The following ABCB5 variants were observed in gnomAD, a reference collection of about 807,000 sequenced individuals.
The protein encoded by ABCB5 is ATP binding cassette subfamily B member 5.
Under a neutral mutation model 144.2 loss-of-function variants are expected in ABCB5, and 155 were observed. That is an observed-to-expected ratio of 1.08 (90% CI 0.94 to 1.23). ABCB5 has a LOEUF of 1.23. ABCB5 is among the 50% of genes most tolerant of loss of function. The pLI, the probability that ABCB5 is intolerant of heterozygous loss-of-function variation, is 0.00. For synonymous variants in ABCB5, 610 were observed against 528.6 expected (o/e 1.15, Z -2.11); for missense variants, 1,830 against 1,520.8 (o/e 1.20, Z -3.38).
At chr7:20,639,507 G>C (rs894391749) in intron 5 of ABCB5, among the ~76,000 whole-genome samples, 11 of 152,086 alleles carry the variant, frequency 7.2e-5, no homozygotes, top group African/African-American at 2.7e-4. Flanking sequence ...GATCCATTTT[G>C]AGTTAATCTC....
intron 11 of ABCB5, among the ~76,000 whole-genome samples, chr7:20,649,037 A>T (rs1288137374): frequency 6.6e-6 from 1 of 152,222 alleles, no homozygotes; most frequent in Non-Finnish European, 1.5e-5. Context: ...TGGGTTTTAA[A>T]CAACTATTTT....
rs1457517086 is a variant in ABCB5 at position 20,645,880 on chromosome 7, G to A, written c.803G>A (p.Arg268Lys). The A allele has an allele frequency of 1.2e-5, 19 of 1,613,080 alleles. No individual in the cohort carries two copies. The highest frequency in any genetic ancestry group is 1.5e-5 in the Non-Finnish European group (18 of 1,179,618). ...AGGGCCCAGGAGAAAGAACTTCAAA[G>A]GTCTTTCCTTTTAAATATAACAAGA... Reference protein sequence around the residue: ...AFRAQEKELQRYTQNLKDAKD... With the variant: ...AFRAQEKELQKYTQNLKDAKD... The change falls in exon 8 of 28, where the codon AGG becomes AAG. Residue 268 changes from arginine (R) to lysine (K), a missense_variant and splice_region_variant. Arg to Lys is a conservative substitution (Grantham distance 26, BLOSUM62 2). Coordinates refer to ENST00000404938, the MANE Select transcript of ABCB5 (RefSeq NM_001163941.2).
At chr7:20,715,150 T>C (rs1321094744) in intron 20 of ABCB5, among the ~76,000 whole-genome samples, 1 of 152,124 alleles carries the variant, frequency 6.6e-6, no homozygotes, top group East Asian at 1.9e-4. Flanking sequence ...GTTCACCCAA[T>C]TCTCCTGCCT....
intron 24 of ABCB5, among the ~76,000 whole-genome samples, chr7:20,742,582 A>C (rs371349034): frequency 6.6e-6 from 1 of 152,208 alleles, no homozygotes; most frequent in Non-Finnish European, 1.5e-5. Context: ...AGCTGGTCAA[A>C]CAACCAACTG....
chr7:20,733,804 A>G lies in ABCB5; in HGVS notation c.2868-5179A>G, dbSNP rs113161836. ...CAGGCACATGTCACCACACCTGGCT[A>G]ATTTCTGCATGTTTTGGTGGAGACC... On this transcript the variant is annotated intron_variant, in intron 23 of 27. Transcript: ENST00000404938. Among the ~76,000 whole-genome samples, 78 of 152,128 alleles carry G rather than the reference A, an allele frequency of 5.1e-4. 1 individual carries two copies. Among genetic ancestry groups the G allele is most frequent in the African/African-American group, 1.8e-3 (75 of 41,520 alleles).
intron 1 of ABCB5, among the ~76,000 whole-genome samples, chr7:20,620,564 T>G (rs1229010665): frequency 3.9e-5 from 6 of 151,964 alleles, no homozygotes; most frequent in Non-Finnish European, 7.4e-5. Context: ...ACCAAAAACC[T>G]AATTTTAAAA....
intron 26 of ABCB5, 92 bp from the exon 27 acceptor site, chr7:20,753,268 A>C (rs1049970165): frequency 6.1e-6 from 9 of 1,467,224 alleles, no homozygotes; most frequent in Non-Finnish European, 8.2e-6. Flanking sequence ...AGAGTAGCAA[A>C]ATTTGAAATA....
rs191015629 is a variant in ABCB5, at chr7:20,756,619, C to A, written c.*995C>A. ...GATCTCACCACTGCACTCCAGCCTGCGCAACAGAGCGAGACTCCATCTCAA... is the reference window on the plus strand; with the variant it reads ...GATCTCACCACTGCACTCCAGCCTGAGCAACAGAGCGAGACTCCATCTCAA... On this transcript the variant is annotated 3_prime_UTR_variant, in exon 28 of 28. Coordinates refer to ENST00000404938, the MANE Select transcript of ABCB5 (RefSeq NM_001163941.2). 6.6e-6 allele frequency: 1 copy of A among 151,820 alleles called. No homozygotes were observed. Among genetic ancestry groups the A allele is most frequent in the Admixed American group, 6.6e-5 (1 of 15,208 alleles). 9.4% of individuals were successfully genotyped at this position (151,820 alleles called of 1,614,324 possible). A position where few individuals can be genotyped will look rare whatever the true frequency, so the allele number is the denominator to read the frequency against.
At chr7:20,626,126 A>G (rs1405109168) in intron 2 of ABCB5, among the ~76,000 whole-genome samples, 2 of 152,188 alleles carry the variant, frequency 1.3e-5, no homozygotes, top group South Asian at 4.1e-4. Context: ...TCATAGAGGC[A>G]AAATAGAACC....
chr7:20,750,411 C>CACAT (rs1782884575), intron 26 of ABCB5, among the ~76,000 whole-genome samples: 1 of 151,924 alleles, frequency 6.6e-6, no homozygotes, highest in African/African-American at 2.4e-5. Context: ...CACACACACA[C>CACAT]ACACACACAT....
chr7:20,652,124 A>T (rs2128026606), intron 13 of ABCB5, among the ~76,000 whole-genome samples: 1 of 152,362 alleles, frequency 6.6e-6, no homozygotes, highest in South Asian at 2.1e-4. Flanking sequence ...GACCAAGCTG[A>T]GAAATTATGT....
At chr7:20,720,845 G>C in intron 20 of ABCB5, among the ~76,000 whole-genome samples, 1 of 149,888 alleles carries the variant, frequency 6.7e-6, no homozygotes, top group Non-Finnish European at 1.5e-5. Context: ...ACGGGAGGCT[G>C]AGGCAGGAGA....
chr7:20,625,737 G>A (rs371164778), intron 2 of ABCB5, among the ~76,000 whole-genome samples: 6 of 152,266 alleles, frequency 3.9e-5, no homozygotes, highest in East Asian at 1.9e-4. Flanking sequence ...GGTGCAGTGT[G>A]AATGTTCCTC....
At chr7:20,698,774 G>A (rs1301770981) in intron 17 of ABCB5, among the ~76,000 whole-genome samples, 1 of 152,174 alleles carries the variant, frequency 6.6e-6, no homozygotes, top group Non-Finnish European at 1.5e-5. Context: ...AATCAGTGAA[G>A]AAATTGCTTT....
chr7:20,623,137 G>A, intron 1 of ABCB5, 128 bp from the exon 2 acceptor site: 1 of 624,454 alleles, frequency 1.6e-6, no homozygotes, highest in Non-Finnish European at 2.8e-6. Flanking sequence ...TGGGGGGCTG[G>A]GCAGGGCGAA....
chr7:20,700,030 C>T (rs373916453), intron 18 of ABCB5, 28 bp from the exon 19 acceptor site: 29 of 1,606,812 alleles, frequency 1.8e-5, no homozygotes, highest in Middle Eastern at 1.7e-4. Flanking sequence ...AGGAAAAGAA[C>T]GTAGATTTTT....
chr7:20,711,281 G>C (rs1021471013), intron 20 of ABCB5, among the ~76,000 whole-genome samples: 1 of 148,792 alleles, frequency 6.7e-6, no homozygotes, highest in Non-Finnish European at 1.5e-5. Context: ...ATTTCCATTG[G>C]TATCATTTTC....
intron 4 of ABCB5, among the ~76,000 whole-genome samples, chr7:20,629,797 A>T (rs1478214041): frequency 6.6e-6 from 1 of 152,112 alleles, no homozygotes; most frequent in Non-Finnish European, 1.5e-5. Flanking sequence ...GAAGAAGAAG[A>T]AGAAGAAATA....
At chr7:20,702,028 T>A (rs114435019) in intron 19 of ABCB5, among the ~76,000 whole-genome samples, 1 of 152,190 alleles carries the variant, frequency 6.6e-6, no homozygotes, top group Non-Finnish European at 1.5e-5. Flanking sequence ...TGCTCAGACT[T>A]GCAGTGCTTT....
Sources: allele counts gnomAD v4.1 joint callset (sites outside exome capture counted in the v4.1 genomes callset), GRCh38; gene constraint gnomAD v4.1.1; transcripts MANE v1.5; gene names NCBI Gene and HGNC (gene_info 2026-07-23, HGNC 2026-07-21).